NLRP1: variants seen among roughly 807,000 people sequenced by gnomAD.
NLRP1 encodes NACHT, LRR and PYD domains-containing protein 1.
A neutral mutation model predicts 136.7 loss-of-function variants in NLRP1; 94 were observed. That is an observed-to-expected ratio of 0.69 (90% CI 0.58 to 0.82). The LOEUF (loss-of-function observed/expected upper bound fraction) is 0.82. NLRP1 is among the 40% of genes least tolerant of loss of function. The probability of loss-of-function intolerance (pLI) is 0.00; values close to 1 mark genes in which losing one functional copy is unlikely to be tolerated. For synonymous variants in NLRP1, 690 were observed against 725.1 expected, an observed-to-expected ratio of 0.95 and a Z score of 0.78; for missense variants, 1,575 against 1,802.7, an observed-to-expected ratio of 0.87 and a Z score of 2.29.
intron 8 of NLRP1, among the ~76,000 whole-genome samples, chr17:5,534,855 T>C (rs1227680228): frequency 2.9e-5 from 4 of 135,688 alleles, no homozygotes; most frequent in African/African-American, 8.5e-5. Flanking sequence ...TGGGCCACTT[T>C]TTCCTGGCTC....
intron 14 of NLRP1, 96 bp downstream of exon 14, chr17:5,520,785 C>A: frequency 8.7e-7 from 1 of 1,154,484 alleles, no homozygotes; most frequent in Non-Finnish European, 1.2e-6. Flanking sequence ...CTCGATTTAT[C>A]CTGTCCCTGA....
At chr17:5,535,674 C>T (rs993217735) in intron 8 of NLRP1, among the ~76,000 whole-genome samples, 11 of 152,166 alleles carry the variant, frequency 7.2e-5, no homozygotes, top group Admixed American at 3.3e-4. Context: ...AAACAGTGCC[C>T]GACACATAGT....
chr17:5,549,254 C>T (rs1165913684), intron 5 of NLRP1, among the ~76,000 whole-genome samples: 1 of 150,306 alleles, frequency 6.7e-6, no homozygotes, highest in Non-Finnish European at 1.5e-5. Context: ...ATCTTGTTTC[C>T]TGAAACCTTG....
rs544887380 is a variant in NLRP1, at chr17:5,573,175, G to A, written c.652+8684C>T. Among the ~76,000 whole-genome samples, 9 of 152,300 alleles carry A rather than the reference G, an allele frequency of 5.9e-5. No homozygotes were observed. In the South Asian group the frequency reaches 6.2e-4, roughly 11 times the overall value. ...ACGGCACACCAGGAGATTATATCCC[G>A]TGCCTGGCTCAGAGGGTCCTGTACC... On this transcript the variant is annotated intron_variant, in intron 3 of 16. Coordinates refer to ENST00000572272, the MANE Select transcript of NLRP1 (RefSeq NM_033004.4).
chr17:5,510,454 C>T (rs559312668), downstream of NLRP1, among the ~76,000 whole-genome samples: 21 of 151,728 alleles, frequency 1.4e-4, no homozygotes, highest in Non-Finnish European at 2.5e-4. Context: ...GTGCCTCCCA[C>T]GTACAAGCAA....
rs199734808 is a variant in NLRP1 at position 5,521,776 on chromosome 17, C to T, written c.3531G>A (p.Val1177=). ...GGGCCATTTGGAACAGGGATGTGTC[C>T]ACATGGCCCCCTGTAAAAGAATGGA... The part of the protein sequence containing the change: ...PHFVALQGGH[V]DTSLFQMAHF... Residue 1177 remains valine, a synonymous_variant, in exon 13 of 17, where the codon GTG becomes GTA. Transcript: ENST00000572272. 1.4e-5 allele frequency: 22 copies of T among 1,596,826 alleles called. No homozygotes were observed. In the South Asian group the frequency reaches 2.1e-4, roughly 15 times the overall value.
chr17:5,574,659 T>TC (rs1904822119), intron 3 of NLRP1, among the ~76,000 whole-genome samples: 1 of 149,716 alleles, frequency 6.7e-6, no homozygotes, highest in Non-Finnish European at 1.5e-5. Flanking sequence ...TATTCAACAT[T>TC]CTTTTTTTTT....
intron 15 of NLRP1, among the ~76,000 whole-genome samples, chr17:5,508,263 A>C (rs978027677): frequency 6.6e-6 from 1 of 152,200 alleles, no homozygotes; most frequent in Admixed American, 6.5e-5. Context: ...GCGCCACTGC[A>C]CTCCAGCCTG....
At chr17:5,571,400 T>C (rs2151818115) in intron 3 of NLRP1, among the ~76,000 whole-genome samples, 1 of 152,314 alleles carries the variant, frequency 6.6e-6, no homozygotes, top group Middle Eastern at 3.4e-3. Flanking sequence ...AATAAACAAC[T>C]TCAGCAAAGT....
rs190083285 is a variant in NLRP1, at chr17:5,536,761, G to A, written c.2960+90C>T. ...GTGGTGTCTGGGTTTCTCCCTGGCT[G>A]TGTTTGTCTCTCACCCCATGGCTCT... On this transcript the variant is annotated intron_variant, in intron 8 of 16. Coordinates refer to ENST00000572272, the MANE Select transcript of NLRP1 (RefSeq NM_033004.4). 2.0e-4 allele frequency: 172 copies of A among 870,292 alleles called. 1 individual carries two copies. The African/African-American group carries it at 2.7e-3, about 13-fold the overall frequency. The allele number at this position is 870,292 out of a possible 1,614,324, so 53.9% of individuals were successfully genotyped here.
chr17:5,520,883 T>G lies in NLRP1; in HGVS notation c.3913A>C (p.Lys1305Gln), dbSNP rs143196732. 1.3e-5 allele frequency: 21 copies of G among 1,598,376 alleles called. No homozygotes were observed. In the African/African-American group the frequency reaches 2.3e-4, roughly 17 times the overall value. Residue 1305 changes from lysine to glutamine, a missense_variant and splice_region_variant, in exon 14 of 17, where the codon AAG (lysine) becomes CAG (glutamine). Transcript: ENST00000572272. ...GAGGCAGACACTGGGCTGCTCACCTTGGGGAGTATTTCCAGCATCCCTGAA... is the reference window on the plus strand; with the variant it reads ...GAGGCAGACACTGGGCTGCTCACCTGGGGGAGTATTTCCAGCATCCCTGAA... ...SGSGMLEILP[K>Q]ELELCYRSPG...
chr17:5,510,689 T>C (rs191372355), downstream of NLRP1, among the ~76,000 whole-genome samples: 23 of 152,182 alleles, frequency 1.5e-4, no homozygotes, highest in Admixed American at 3.3e-4. Flanking sequence ...AAAAATTTTT[T>C]TTTTTAAGAG....
downstream of NLRP1, among the ~76,000 whole-genome samples, chr17:5,510,775 C>A (rs528127284): frequency 2.0e-5 from 3 of 152,264 alleles, no homozygotes; most frequent in South Asian, 2.1e-4. Context: ...GATCTTCAGG[C>A]CTTCGCCTCT....
chr17:5,554,121 T>C (rs1276397360), intron 4 of NLRP1, among the ~76,000 whole-genome samples: 3 of 152,070 alleles, frequency 2.0e-5, no homozygotes, highest in South Asian at 4.1e-4. Flanking sequence ...AGACTGTATA[T>C]GATCATATGC....
intron 5 of NLRP1, among the ~76,000 whole-genome samples, chr17:5,546,100 G>A (rs1912627830): frequency 6.6e-6 from 1 of 152,168 alleles, no homozygotes; most frequent in Non-Finnish European, 1.5e-5. Flanking sequence ...GCAGGTGAAG[G>A]GCACAGGCTT....
At chr17:5,502,067 T>G in intron 15 of NLRP1, 2 of 563,548 alleles carry the variant, frequency 3.5e-6, no homozygotes, top group Non-Finnish European at 3.3e-6. Flanking sequence ...GTGCTGTTCC[T>G]CTCTATCCTA....
chr17:5,528,870 T>C (rs1232229161), intron 12 of NLRP1, among the ~76,000 whole-genome samples: 1 of 152,240 alleles, frequency 6.6e-6, no homozygotes, highest in East Asian at 1.9e-4. Flanking sequence ...TAAAAACCCA[T>C]TTAATATCTA....
In NLRP1 at chr17:5,515,611, C is replaced by G. The variant is rs181942730; in HGVS notation, c.4058-94G>C. 3 of 1,020,096 alleles carry G rather than the reference C, an allele frequency of 2.9e-6. No homozygotes were observed. The Admixed American group carries it at 5.7e-5, about 20-fold the overall frequency. The allele number at this position is 1,020,096 out of a possible 1,614,324, so 63.2% of individuals were successfully genotyped here. A position where few individuals can be genotyped will look rare whatever the true frequency, so the allele number is the denominator to read the frequency against. On this transcript the variant is annotated intron_variant, in intron 15 of 16. Coordinates refer to ENST00000572272, the MANE Select transcript of NLRP1 (RefSeq NM_033004.4). ...CAAGCTCCCACTCACTTCTGAGATT[C>G]TTTGATTTAGAAAAAAGCCACAGAC... is the stretch of plus-strand genomic sequence containing the variant.
intron 5 of NLRP1, among the ~76,000 whole-genome samples, chr17:5,551,150 A>G (rs775731177): frequency 1.3e-5 from 2 of 152,172 alleles, no homozygotes; most frequent in Admixed American, 6.5e-5. Flanking sequence ...AGTATATAGA[A>G]TAGTTTCACT....
Sources: allele counts gnomAD v4.1 joint callset (sites outside exome capture counted in the v4.1 genomes callset), GRCh38; gene constraint gnomAD v4.1.1; transcripts MANE v1.5; gene names NCBI Gene and HGNC (gene_info 2026-07-23, HGNC 2026-07-21).